GABRB1: variants seen among roughly 807,000 people sequenced by gnomAD.
GABRB1 encodes the protein gamma-aminobutyric acid type A receptor subunit beta1.
GABRB1 carries 17 observed loss-of-function variants against 51.6 expected under a neutral mutation model. The observed-to-expected ratio is 0.33, with a 90% CI of 0.23 to 0.49. GABRB1 has a LOEUF of 0.49. GABRB1 is among the 20% of genes least tolerant of loss of function. The pLI, the probability that GABRB1 is intolerant of heterozygous loss-of-function variation, is 0.99. For synonymous variants in GABRB1, 247 were observed against 218.9 expected (o/e 1.13, Z -1.14); for missense variants, 410 against 600.6 (o/e 0.68, Z 3.32).
intron 4 of GABRB1, among the ~76,000 whole-genome samples, chr4:47,183,345 C>CATATAT (rs57840134): frequency 0.043 from 5,346 of 124,034 alleles, 105 homozygotes; most frequent in African/African-American, 0.048. Flanking sequence ...TGTGTGTGTG[C>CATATAT]ATATATATAT....
intron 3 of GABRB1, among the ~76,000 whole-genome samples, chr4:47,106,615 C>T (rs1714981914): frequency 6.6e-6 from 1 of 151,994 alleles, no homozygotes; most frequent in Non-Finnish European, 1.5e-5. Flanking sequence ...ACCCAACCAA[C>T]TCTTGTTGGG....
chr4:47,400,907 TC>T (rs1261511728), intron 5 of GABRB1, among the ~76,000 whole-genome samples: 12 of 151,534 alleles, frequency 7.9e-5, no homozygotes, highest in Non-Finnish European at 1.5e-4. Context: ...ATTATTTTGT[TC>T]TTTTGTTCTT....
chr4:47,244,315 G>A (rs1031032727), intron 4 of GABRB1, among the ~76,000 whole-genome samples: 3 of 152,158 alleles, frequency 2.0e-5, no homozygotes, highest in South Asian at 4.1e-4. Context: ...TTGCATCGAT[G>A]TTCATCAGGG....
intron 4 of GABRB1, among the ~76,000 whole-genome samples, chr4:47,285,636 T>C (rs1723480362): frequency 6.6e-6 from 1 of 152,196 alleles, no homozygotes; most frequent in Admixed American, 6.5e-5. Flanking sequence ...TAGTATTAAA[T>C]GGCATACATT....
chr4:47,185,964 C>T (rs1426239147), intron 4 of GABRB1, among the ~76,000 whole-genome samples: 1 of 151,736 alleles, frequency 6.6e-6, no homozygotes, highest in Non-Finnish European at 1.5e-5. Flanking sequence ...TGGAGGAGTA[C>T]CATGCGTGGC....
At chr4:47,115,881 C>T (rs1020109401) in intron 3 of GABRB1, among the ~76,000 whole-genome samples, 2 of 152,110 alleles carry the variant, frequency 1.3e-5, no homozygotes, top group Admixed American at 6.5e-5. Context: ...CCACATGGTA[C>T]TGTGCTTTTA....
At chr4:47,226,932 G>A (rs1466729091) in intron 4 of GABRB1, among the ~76,000 whole-genome samples, 1 of 152,128 alleles carries the variant, frequency 6.6e-6, no homozygotes, top group Non-Finnish European at 1.5e-5. Context: ...AAGTGATATG[G>A]AGTGAATAAT....
chr4:47,380,248 G>A (rs977116667), intron 5 of GABRB1, among the ~76,000 whole-genome samples: 3 of 152,180 alleles, frequency 2.0e-5, no homozygotes, highest in African/African-American at 7.2e-5. Context: ...ACAAACAGTT[G>A]CCTGCCAAGT....
chr4:47,366,529 C>T (rs1338049143), intron 5 of GABRB1, among the ~76,000 whole-genome samples: 2 of 152,124 alleles, frequency 1.3e-5, no homozygotes, highest in Admixed American at 6.5e-5. Flanking sequence ...AGGATAAATT[C>T]AACCATTTGA....
chr4:47,270,724 A>C (rs1722840591), intron 4 of GABRB1, among the ~76,000 whole-genome samples: 1 of 151,434 alleles, frequency 6.6e-6, no homozygotes, highest in Non-Finnish European at 1.5e-5. Flanking sequence ...TCTTGTCTTC[A>C]AAAATAACCT....
At chr4:47,366,299 T>C (rs1726980188) in intron 5 of GABRB1, among the ~76,000 whole-genome samples, 1 of 152,212 alleles carries the variant, frequency 6.6e-6, no homozygotes, top group African/African-American at 2.4e-5. Context: ...GGAAAATGTA[T>C]TGTCTCTCAC....
intron 8 of GABRB1, among the ~76,000 whole-genome samples, chr4:47,412,079 G>A (rs7664622): frequency 0.058 from 8,826 of 152,090 alleles, 844 homozygotes; most frequent in African/African-American, 0.2. Context: ...ATTTGGTATC[G>A]CTGTTAATTG....
intron 4 of GABRB1, among the ~76,000 whole-genome samples, chr4:47,298,697 T>G (rs377544927): frequency 2.0e-5 from 3 of 152,140 alleles, no homozygotes; most frequent in African/African-American, 7.2e-5. Context: ...CCATCCCCAT[T>G]AAGCTACCAA....
intron 1 of GABRB1, among the ~76,000 whole-genome samples, chr4:47,014,459 A>G (rs761238090): frequency 3.3e-5 from 5 of 152,090 alleles, no homozygotes; most frequent in Non-Finnish European, 5.9e-5. Flanking sequence ...TTATAAAGCA[A>G]ATTTTTTTTC....
chr4:47,116,950 C>T (rs6824046), intron 3 of GABRB1, among the ~76,000 whole-genome samples: 69,856 of 151,718 alleles, frequency 0.46, 16,486 homozygotes, highest in Middle Eastern at 0.52. Flanking sequence ...TTTTAAATAA[C>T]CAGATCTCAT....
intron 3 of GABRB1, among the ~76,000 whole-genome samples, chr4:47,084,920 AC>A (rs1728000588): frequency 6.6e-6 from 1 of 152,086 alleles, no homozygotes; most frequent in Admixed American, 6.6e-5. Flanking sequence ...TATATGACTC[AC>A]TTTTTTTTCT....
chr4:47,317,538 G>A (rs1346756674), intron 4 of GABRB1, among the ~76,000 whole-genome samples: 2 of 151,620 alleles, frequency 1.3e-5, no homozygotes, highest in Non-Finnish European at 3.0e-5. Flanking sequence ...ATGATCATAG[G>A]AACAGAAAGC....
At chr4:47,287,738 T>C (rs577502156) in intron 4 of GABRB1, among the ~76,000 whole-genome samples, 104 of 152,368 alleles carry the variant, frequency 6.8e-4, no homozygotes, top group African/African-American at 2.4e-3. Context: ...GCCTGACTTC[T>C]AGCCAGCTGG....
intron 4 of GABRB1, among the ~76,000 whole-genome samples, chr4:47,316,524 G>A (rs1724896954): frequency 6.6e-6 from 1 of 151,760 alleles, no homozygotes; most frequent in Admixed American, 6.6e-5. Context: ...TTGTGAATAT[G>A]TTGCAATAAA....
Sources: allele counts gnomAD v4.1 joint callset (sites outside exome capture counted in the v4.1 genomes callset), GRCh38; gene constraint gnomAD v4.1.1; transcripts MANE v1.5; gene names NCBI Gene and HGNC (gene_info 2026-07-23, HGNC 2026-07-21).